The following ANK3 variants were observed in gnomAD, a reference collection of about 807,000 sequenced individuals.
The protein encoded by ANK3 is ankyrin 3.
ANK3 carries 57 observed loss-of-function variants against 370.9 expected under a neutral mutation model. That is an observed-to-expected ratio of 0.15 (90% CI 0.12 to 0.19). The LOEUF (loss-of-function observed/expected upper bound fraction) is 0.19, where lower values mean the gene tolerates loss of function less well. ANK3 is among the 10% of genes least tolerant of loss of function. The pLI, the probability that ANK3 is intolerant of heterozygous loss-of-function variation, is 1.00. For synonymous variants in ANK3, 1,929 were observed against 1,946.3 expected, an observed-to-expected ratio of 0.99 and a Z score of 0.23; for missense variants, 4,439 against 5,302.1, an observed-to-expected ratio of 0.84 and a Z score of 5.06.
chr10:60,625,018 C>A (rs1046425592), intron 1 of ANK3, among the ~76,000 whole-genome samples: 1 of 152,032 alleles, frequency 6.6e-6, no homozygotes, highest in Admixed American at 6.5e-5. Flanking sequence ...TGTTCCTTTA[C>A]CCTTTGGCAT....
intron 1 of ANK3, among the ~76,000 whole-genome samples, chr10:60,373,084 C>A (rs558505332): frequency 2.0e-5 from 3 of 152,188 alleles, no homozygotes; most frequent in Non-Finnish European, 4.4e-5. Flanking sequence ...CTTGCACATG[C>A]AATATTTTAG....
chr10:60,634,850 G>A (rs1246526901), intron 1 of ANK3, among the ~76,000 whole-genome samples: 4 of 151,728 alleles, frequency 2.6e-5, no homozygotes, highest in Middle Eastern at 3.4e-3. Context: ...CACTCACCGC[G>A]AAAGTCTGCG....
At chr10:60,722,645 A>G (rs2079879573) in intron 1 of ANK3, among the ~76,000 whole-genome samples, 1 of 152,112 alleles carries the variant, frequency 6.6e-6, no homozygotes, top group Non-Finnish European at 1.5e-5. Context: ...ATGTTGAAAT[A>G]TAACCCCCAA....
At chr10:60,672,333 G>A (rs1175286038) in intron 1 of ANK3, among the ~76,000 whole-genome samples, 3 of 152,150 alleles carry the variant, frequency 2.0e-5, no homozygotes, top group African/African-American at 7.2e-5. Flanking sequence ...GCCACTAAAT[G>A]GGGTCTGATC....
intron 7 of ANK3, among the ~76,000 whole-genome samples, chr10:60,251,922 T>A (rs991209809): frequency 1.3e-5 from 2 of 152,190 alleles, no homozygotes; most frequent in African/African-American, 4.8e-5. Flanking sequence ...TCATCTTCAG[T>A]CTCATTTCAC....
intron 43 of ANK3, among the ~76,000 whole-genome samples, chr10:60,031,990 G>A (rs930628772): frequency 2.0e-5 from 3 of 151,968 alleles, no homozygotes; most frequent in Non-Finnish European, 4.4e-5. Flanking sequence ...CAGAGGGTGG[G>A]CAAATCAGAA....
At chr10:60,147,988 G>T (rs901291655) in intron 23 of ANK3, among the ~76,000 whole-genome samples, 2 of 152,284 alleles carry the variant, frequency 1.3e-5, no homozygotes, top group Non-Finnish European at 2.9e-5. Flanking sequence ...ATAAGCATTG[G>T]GTAAACTAGG....
chr10:60,376,369 C>T (rs1040788414), intron 1 of ANK3, among the ~76,000 whole-genome samples: 1 of 152,192 alleles, frequency 6.6e-6, no homozygotes, highest in Non-Finnish European at 1.5e-5. Context: ...CCCTCCTTTC[C>T]TGTGCCACAA....
intron 21 of ANK3, among the ~76,000 whole-genome samples, chr10:60,171,097 C>A (rs1291943742): frequency 1.3e-5 from 2 of 152,006 alleles, no homozygotes; most frequent in Admixed American, 6.6e-5. Context: ...TTGGTTTGAA[C>A]ACTTTTTTTG....
chr10:60,055,505 T>C (rs2079005411), intron 42 of ANK3, among the ~76,000 whole-genome samples, 153 bp downstream of exon 42: 1 of 152,216 alleles, frequency 6.6e-6, no homozygotes, highest in Non-Finnish European at 1.5e-5. Context: ...CTCAGTACTT[T>C]CTTTACCTCC....
chr10:60,073,585 A>G lies in ANK3; in HGVS notation c.7296T>C (p.Asp2432=), dbSNP rs746654323. The G allele has an allele frequency of 6.2e-7, 1 of 1,614,072 alleles. No homozygotes were observed. The highest frequency in any genetic ancestry group is 8.5e-7 in the Non-Finnish European group (1 of 1,180,002). The part of the protein sequence containing the change: ...SRPSSAQLIS[D]DSYKTLKLLS... ...AAAGCTTCAATGTTTTATAAGAGTC[A>G]TCAGATATGAGTTGAGCAGAACTAG... Residue 2432 remains aspartate (D), a synonymous_variant, in exon 37 of 44, where the codon GAT becomes GAC. Transcript: ENST00000280772.
intron 1 of ANK3, among the ~76,000 whole-genome samples, chr10:60,620,412 T>A (rs2078319959): frequency 6.6e-6 from 1 of 152,158 alleles, no homozygotes; most frequent in Non-Finnish European, 1.5e-5. Flanking sequence ...TATCTAATCC[T>A]TACCTAACAA....
intron 1 of ANK3, among the ~76,000 whole-genome samples, chr10:60,363,856 T>C (rs2058999161): frequency 6.6e-6 from 1 of 152,152 alleles, no homozygotes; most frequent in Non-Finnish European, 1.5e-5. Flanking sequence ...TCTAAATCCC[T>C]TTTCTTATAG....
At chr10:60,113,177 T>C (rs1211679552) in intron 26 of ANK3, among the ~76,000 whole-genome samples, 1 of 152,182 alleles carries the variant, frequency 6.6e-6, no homozygotes, top group Non-Finnish European at 1.5e-5. Flanking sequence ...GCACTTCCAG[T>C]GTAGACACTG....
chr10:60,628,232 C>T (rs577202618), intron 1 of ANK3, among the ~76,000 whole-genome samples: 2 of 152,106 alleles, frequency 1.3e-5, no homozygotes, highest in Admixed American at 6.6e-5. Context: ...TATAGGTGAA[C>T]GTCATTGTTC....
chr10:60,106,179 T>A, intron 27 of ANK3, 120 bp from the exon 28 acceptor site: 1 of 898,390 alleles, frequency 1.1e-6, no homozygotes, highest in Non-Finnish European at 1.6e-6. Context: ...AGGTTGGGAA[T>A]GATTTCAAAG....
rs142335350 is a variant in ANK3 at position 60,454,034 on chromosome 10, G to A, written c.96+161152C>T. Among the ~76,000 whole-genome samples, 577 of 152,242 alleles carry A rather than the reference G, an allele frequency of 3.8e-3. 2 individuals are homozygous for A. Among genetic ancestry groups the A allele is most frequent in the African/African-American group, 0.013 (557 of 41,546 alleles). On this transcript the variant is annotated intron_variant, in intron 2 of 43. Transcript: ENST00000373827. The stretch of plus-strand genomic sequence containing the variant: ...ACAGCTGGCATATTTTTTCCTATAT[G>A]CAAATTAGGCCTTTTTAAAGCCATT...
intron 28 of ANK3, among the ~76,000 whole-genome samples, chr10:60,103,032 C>A (rs2091560074): frequency 6.6e-6 from 1 of 151,932 alleles, no homozygotes; most frequent in Non-Finnish European, 1.5e-5. Context: ...CTCACTGCAA[C>A]CTGCGCCTCC....
intron 35 of ANK3, among the ~76,000 whole-genome samples, chr10:60,081,304 C>T (rs955092882): frequency 4.6e-5 from 7 of 152,088 alleles, no homozygotes; most frequent in South Asian, 4.2e-4. Flanking sequence ...AGGCTGGTGT[C>T]GAACTCCTGA....
Sources: gnomAD v4.1 joint callset for allele counts (sites outside exome capture counted in the v4.1 genomes callset) on GRCh38, gnomAD v4.1.1 for gene constraint, MANE v1.5 for transcripts, NCBI Gene and HGNC (gene_info 2026-07-23, HGNC 2026-07-21) for gene names.